Variants in ANO3 observed in about 807,000 individuals in gnomAD.
ANO3 encodes the protein anoctamin-3.
ANO3 carries 99 observed loss-of-function variants against 144.8 expected under a neutral mutation model. The observed-to-expected ratio is 0.68, with a 90% CI of 0.58 to 0.81. ANO3 has a LOEUF of 0.81. Among genes scored for constraint, ANO3 ranks in the 30% least tolerant of loss-of-function variants. The pLI, the probability that ANO3 is intolerant of heterozygous loss-of-function variation, is 0.00. For missense variants in ANO3, 905 were observed against 1,202.2 expected, an observed-to-expected ratio of 0.75 and a Z score of 3.66; for synonymous variants, 414 against 392.6, an observed-to-expected ratio of 1.05 and a Z score of -0.64.
rs1859880851 is a variant in ANO3 at position 26,474,271 on chromosome 11, T to C, written c.432+11123T>C. 1.5e-5 allele frequency: 3 copies of C among 201,792 alleles called. 1 individual carries two copies. The highest frequency in any genetic ancestry group is 2.4e-5 in the African/African-American group (1 of 42,246). The allele number at this position is 201,792 out of a possible 1,614,324, so 12.5% of individuals were successfully genotyped here. A position where few individuals can be genotyped will look rare whatever the true frequency, so the allele number is the denominator to read the frequency against. On this transcript the variant is annotated intron_variant, in intron 4 of 26. Transcript: ENST00000256737. ...ATCTGTTATTTCAAAATACTAGATA[T>C]ATATTTTAAAGTAAAGTATGATCTA...
In ANO3 at chr11:26,342,313, AC is replaced by A. The variant is rs528211420; in HGVS notation, c.46+9993del. Among the ~76,000 whole-genome samples the A allele has an allele frequency of 4.6e-5, 7 of 152,344 alleles. No individual in the cohort carries two copies. In the South Asian group the frequency reaches 1.2e-3, roughly 27 times the overall value. ...CCTCCAAAATTCGTGTTGAAACTTA[AC>A]AAAAATGTAATGATATTAAGAGATG... On this transcript the variant is annotated intron_variant, in intron 1 of 26. Coordinates refer to ENST00000256737, the MANE Select transcript of ANO3 (RefSeq NM_031418.4).
chr11:26,495,863 G>A (rs546542602), intron 4 of ANO3, among the ~76,000 whole-genome samples: 76 of 152,250 alleles, frequency 5.0e-4, no homozygotes, highest in Middle Eastern at 3.4e-3. Context: ...CATGACTAAT[G>A]GAGAACAATT....
intron 1 of ANO3, among the ~76,000 whole-genome samples, chr11:26,248,760 T>C (rs1170483996): frequency 1.3e-5 from 2 of 152,166 alleles, no homozygotes; most frequent in Admixed American, 6.5e-5. Flanking sequence ...GTTTTTGCCT[T>C]TATATCGCGG....
chr11:26,271,096 T>C (rs1853429978), intron 1 of ANO3, among the ~76,000 whole-genome samples: 1 of 152,222 alleles, frequency 6.6e-6, no homozygotes, highest in Non-Finnish European at 1.5e-5. Flanking sequence ...AGATTTAATT[T>C]TGTTAGTGAC....
chr11:26,553,219 G>GTTTT lies in ANO3; in HGVS notation c.1290-29_1290-26dup, dbSNP rs201093158. Reference sequence around the variant, plus strand: ...TAGTCACAGTTTCATGCTATGTTTTGTTTTGTTTTTGTTTTTGTTTTTTCT... The same window carrying GTTTT: ...TAGTCACAGTTTCATGCTATGTTTTGTTTTTTTTGTTTTTGTTTTTGTTTTTTCT... On this transcript the variant is annotated intron_variant, in intron 12 of 26. Coordinates refer to ENST00000256737, the MANE Select transcript of ANO3 (RefSeq NM_031418.4). 2,076 of 1,197,030 alleles carry GTTTT rather than the reference G, an allele frequency of 1.7e-3. 104 individuals are homozygous for GTTTT. The highest frequency in any genetic ancestry group is 5.1e-3 in the South Asian group (386 of 76,068). The allele number at this position is 1,197,030 out of a possible 1,614,324, so 74.2% of individuals were successfully genotyped here.
At chr11:26,459,796 A>T (rs72889117) in intron 3 of ANO3, among the ~76,000 whole-genome samples, 6,565 of 152,204 alleles carry the variant, frequency 0.043, 213 homozygotes, top group African/African-American at 0.083. Context: ...GATGTAGGGT[A>T]CAAGAGAAAA....
intron 1 of ANO3, among the ~76,000 whole-genome samples, chr11:26,381,408 C>T (rs975636138): frequency 3.9e-5 from 6 of 152,142 alleles, no homozygotes; most frequent in Non-Finnish European, 5.9e-5. Context: ...ATCAGTTAGG[C>T]CTCAGTTCAA....
intron 4 of ANO3, among the ~76,000 whole-genome samples, chr11:26,489,818 A>G (rs894310012): frequency 7.2e-5 from 11 of 152,176 alleles, no homozygotes; most frequent in African/African-American, 2.2e-4. Context: ...GAAAGGCTGT[A>G]TTGACCCAGT....
intron 7 of ANO3, 65 bp from the exon 8 acceptor site, chr11:26,531,139 TA>T: frequency 6.4e-7 from 1 of 1,565,066 alleles, no homozygotes; most frequent in Non-Finnish European, 8.7e-7. Flanking sequence ...AAGTGAATTG[TA>T]GTGGAAGGTA....
At chr11:26,376,908 T>G (rs922587335) in intron 1 of ANO3, among the ~76,000 whole-genome samples, 1 of 152,126 alleles carries the variant, frequency 6.6e-6, no homozygotes, top group Non-Finnish European at 1.5e-5. Flanking sequence ...CAGAATTATT[T>G]GTATCATGGC....
chr11:26,411,735 T>G (rs1435456895), intron 1 of ANO3, among the ~76,000 whole-genome samples: 1 of 151,972 alleles, frequency 6.6e-6, no homozygotes, highest in East Asian at 1.9e-4. Context: ...TCCATTTTTT[T>G]TTTTGCCTTT....
chr11:26,542,102 T>A, intron 11 of ANO3, 34 bp downstream of exon 11: 1 of 1,600,128 alleles, frequency 6.2e-7, no homozygotes, highest in Non-Finnish European at 8.5e-7. Context: ...AAAAGCAAAG[T>A]ATTCTGTTTT....
At chr11:26,236,103 G>A (rs1319855165) in intron 1 of ANO3, among the ~76,000 whole-genome samples, 1 of 151,940 alleles carries the variant, frequency 6.6e-6, no homozygotes, top group Non-Finnish European at 1.5e-5. Flanking sequence ...GTTTTTACAG[G>A]TCCACATTAT....
At chr11:26,199,961 G>A (rs888454402) in intron 1 of ANO3, among the ~76,000 whole-genome samples, 1 of 152,150 alleles carries the variant, frequency 6.6e-6, no homozygotes, top group African/African-American at 2.4e-5. Context: ...GATTTAGAAG[G>A]GAGCCTAAGT....
At chr11:26,206,040 T>C (rs957932327) in intron 1 of ANO3, among the ~76,000 whole-genome samples, 6 of 152,220 alleles carry the variant, frequency 3.9e-5, no homozygotes, top group Non-Finnish European at 8.8e-5. Context: ...CTTACAAATA[T>C]GCTATTTCTG....
intron 1 of ANO3, among the ~76,000 whole-genome samples, chr11:26,284,671 T>C (rs1398539578): frequency 6.6e-6 from 1 of 151,922 alleles, no homozygotes; most frequent in Admixed American, 6.6e-5. Context: ...AGGCCGAGGC[T>C]GGCGGATCAA....
intron 3 of ANO3, among the ~76,000 whole-genome samples, chr11:26,454,235 A>C (rs1361247679): frequency 1.1e-4 from 16 of 152,234 alleles, no homozygotes; most frequent in Non-Finnish European, 1.9e-4. Flanking sequence ...TCAGAGCAGA[A>C]CTGAAGGAAA....
chr11:26,495,567 C>A (rs979661988), intron 4 of ANO3, among the ~76,000 whole-genome samples: 1 of 152,110 alleles, frequency 6.6e-6, no homozygotes, highest in Non-Finnish European at 1.5e-5. Flanking sequence ...TGATTTGTAG[C>A]CAACATGATA....
At chr11:26,257,789 AT>A (rs1431369578) in intron 1 of ANO3, among the ~76,000 whole-genome samples, 1 of 146,920 alleles carries the variant, frequency 6.8e-6, no homozygotes, top group African/African-American at 2.6e-5. Context: ...GATAAGCGAC[AT>A]TTTTGACAAA....
Sources: gnomAD v4.1 joint callset for allele counts (sites outside exome capture counted in the v4.1 genomes callset) on GRCh38, gnomAD v4.1.1 for gene constraint, MANE v1.5 for transcripts, NCBI Gene and HGNC (gene_info 2026-07-23, HGNC 2026-07-21) for gene names.